The following PTK2B variants were observed in gnomAD, a reference collection of about 807,000 sequenced individuals.
The protein encoded by PTK2B is protein tyrosine kinase 2 beta.
PTK2B carries 71 observed loss-of-function variants against 142.9 expected under a neutral mutation model. The ratio of observed to expected loss-of-function variants is 0.50; its 90% confidence interval spans 0.41 to 0.61. The LOEUF is 0.61. Ranked by LOEUF, PTK2B falls within the 20% of genes least tolerant of loss-of-function variation. PTK2B has a pLI of 0.00. For missense variants in PTK2B, 1,105 were observed against 1,320.4 expected (o/e 0.84, Z 2.53); for synonymous variants, 519 against 503.4 (o/e 1.03, Z -0.42).
At position 27,458,334 on chromosome 8, in the gene PTK2B, A is replaced by G. The variant is rs1812279341; in HGVS notation, c.2855A>G (p.Glu952Gly). ...TQKLLNKDLA[E>G]LINKMRLAQQ... ...AAACTGCTCAACAAAGACCTGGCAG[A>G]GCTCATCAACAAGATGCGGCTGGCA... Residue 952 changes from glutamate to glycine, a missense_variant, in exon 31 of 31, where the codon GAG becomes GGG. Coordinates refer to ENST00000346049, the MANE Select transcript of PTK2B (RefSeq NM_173176.3). 6.2e-7 allele frequency: 1 copy of G among 1,614,048 alleles called. No homozygotes were observed. The highest frequency in any genetic ancestry group is 1.1e-5 in the South Asian group (1 of 91,064).
chr8:27,372,671 A>G (rs1237999651), intron 1 of PTK2B, among the ~76,000 whole-genome samples: 1 of 152,144 alleles, frequency 6.6e-6, no homozygotes. Context: ...TAACCATGAC[A>G]GGGAGCAATG....
intron 21 of PTK2B, among the ~76,000 whole-genome samples, chr8:27,441,207 C>T (rs568100377): frequency 1.4e-3 from 214 of 152,298 alleles, no homozygotes; most frequent in African/African-American, 4.9e-3. Flanking sequence ...ATGGGTGTAG[C>T]TGGGCTCCAG....
chr8:27,440,217 G>C lies in PTK2B; in HGVS notation c.1835-20G>C, dbSNP rs775741105. On this transcript the variant is annotated intron_variant, in intron 20 of 30. Transcript: ENST00000346049. ...GACTGGTCTCCCCCACCCAGGGCCT[G>C]ACGCTCCCTTACACCCCAGCCGTGT... The C allele has an allele frequency of 1.2e-5, 19 of 1,613,462 alleles. No homozygotes were observed. The South Asian group carries it at 2.0e-4, about 17-fold the overall frequency.
At chr8:27,431,817 C>G (rs1810444472) in intron 9 of PTK2B, among the ~76,000 whole-genome samples, 1 of 152,218 alleles carries the variant, frequency 6.6e-6, no homozygotes, top group African/African-American at 2.4e-5. Context: ...AGTCCTGGCT[C>G]CACTGCCAGC....
chr8:27,336,785 G>C (rs538926533), intron 1 of PTK2B, among the ~76,000 whole-genome samples: 13 of 152,246 alleles, frequency 8.5e-5, no homozygotes, highest in African/African-American at 2.9e-4. Flanking sequence ...AGTCCCTGTG[G>C]TCTAAAGAGA....
At chr8:27,428,635 G>A (rs893355182) in intron 5 of PTK2B, among the ~76,000 whole-genome samples, 1 of 152,170 alleles carries the variant, frequency 6.6e-6, no homozygotes, top group Admixed American at 6.5e-5. Context: ...GTGCATTGAA[G>A]GATGTTTAGC....
chr8:27,399,426 T>C (rs1437271467), intron 2 of PTK2B, among the ~76,000 whole-genome samples: 2 of 152,196 alleles, frequency 1.3e-5, no homozygotes, highest in African/African-American at 4.8e-5. Context: ...TTTAGAAAAG[T>C]ATCTAAAATC....
intron 2 of PTK2B, among the ~76,000 whole-genome samples, chr8:27,409,563 A>G (rs961257139): frequency 2.6e-5 from 4 of 152,148 alleles, no homozygotes; most frequent in African/African-American, 9.7e-5. Flanking sequence ...AACATGTGGG[A>G]AAAAAACCCA....
Position 27,433,571 on chromosome 8 carries a change from T to C in PTK2B, c.1105+19T>C. On this transcript the variant is annotated intron_variant, in intron 11 of 30. Coordinates refer to ENST00000346049, the MANE Select transcript of PTK2B (RefSeq NM_173176.3). ...AGGAAAGGTGGGTTCCATTTAAAGG[T>C]AAAGTGGCTGGACCACGGGTGGCAG... 6.2e-7 allele frequency: 1 copy of C among 1,604,770 alleles called. No homozygotes were observed. The highest frequency in any genetic ancestry group is 8.5e-7 in the Non-Finnish European group (1 of 1,172,010).
intron 2 of PTK2B, among the ~76,000 whole-genome samples, chr8:27,408,484 C>G (rs1808859795): frequency 6.6e-6 from 1 of 152,224 alleles, no homozygotes; most frequent in Admixed American, 6.5e-5. Flanking sequence ...TTTGCTAAAC[C>G]TAAGCATAAA....
At chr8:27,343,466 C>G (rs1042710408) in intron 1 of PTK2B, among the ~76,000 whole-genome samples, 2 of 152,144 alleles carry the variant, frequency 1.3e-5, no homozygotes, top group Non-Finnish European at 2.9e-5. Flanking sequence ...ACCTGGGGAC[C>G]CCATGTAGTC....
intron 11 of PTK2B, among the ~76,000 whole-genome samples, chr8:27,433,785 G>A (rs1338343923): frequency 2.0e-5 from 3 of 152,214 alleles, no homozygotes; most frequent in African/African-American, 4.8e-5. Flanking sequence ...TGGAGGAGAG[G>A]CGTTTTAGCC....
intron 2 of PTK2B, among the ~76,000 whole-genome samples, chr8:27,404,115 G>T (rs549651390): frequency 1.7e-4 from 26 of 152,082 alleles, no homozygotes; most frequent in South Asian, 1.7e-3. Context: ...TCATGATATG[G>T]GTGACAATGA....
In PTK2B at chr8:27,356,204, G is replaced by A. The variant is rs61107056; in HGVS notation, c.-38+30523G>A. Reference sequence around the variant, plus strand: ...TGGCTTCCAGCAATGTGTTATGATCGCAGGTTGGGGTGGCCTGTATTAGGA... The same window carrying A: ...TGGCTTCCAGCAATGTGTTATGATCACAGGTTGGGGTGGCCTGTATTAGGA... On this transcript the variant is annotated intron_variant, in intron 1 of 30. Transcript: ENST00000346049. 5.9e-3 allele frequency among the ~76,000 whole-genome samples: 894 copies of A among 152,214 alleles called. 11 individuals are homozygous for A. Among genetic ancestry groups the A allele is most frequent in the African/African-American group, 0.021 (865 of 41,522 alleles).
intron 23 of PTK2B, 70 bp from the exon 24 acceptor site, chr8:27,445,724 T>C: frequency 6.3e-7 from 1 of 1,596,776 alleles, no homozygotes; most frequent in Non-Finnish European, 8.5e-7. Flanking sequence ...TGTGCTCGTG[T>C]TTGTAGCAGC....
intron 1 of PTK2B, among the ~76,000 whole-genome samples, chr8:27,390,115 G>A (rs1028142282): frequency 6.6e-6 from 1 of 152,162 alleles, no homozygotes; most frequent in African/African-American, 2.4e-5. Flanking sequence ...CTGTCTCCTG[G>A]GAAGCTTCCT....
At chr8:27,319,921 C>T (rs1046486548) in intron 3 of PTK2B, among the ~76,000 whole-genome samples, 5 of 152,328 alleles carry the variant, frequency 3.3e-5, no homozygotes, top group Admixed American at 6.5e-5. Context: ...CCAACAGTCA[C>T]GTCTGATGCT....
intron 1 of PTK2B, among the ~76,000 whole-genome samples, chr8:27,347,929 C>T (rs770383109): frequency 1.7e-4 from 26 of 152,358 alleles, no homozygotes; most frequent in Non-Finnish European, 2.8e-4. Flanking sequence ...TCATGCCAAG[C>T]AGGTGTCCAG....
intron 1 of PTK2B, among the ~76,000 whole-genome samples, chr8:27,391,026 G>C (rs1232224878): frequency 1.3e-5 from 2 of 151,942 alleles, no homozygotes; most frequent in African/African-American, 4.8e-5. Context: ...GACATCATAC[G>C]GCCTTTCTGA....
Sources: allele counts gnomAD v4.1 joint callset (sites outside exome capture counted in the v4.1 genomes callset), GRCh38; gene constraint gnomAD v4.1.1; transcripts MANE v1.5; gene names NCBI Gene and HGNC (gene_info 2026-07-23, HGNC 2026-07-21).